AIG1: variants seen among roughly 807,000 people sequenced by gnomAD.
The protein encoded by AIG1 is androgen-induced gene 1 protein.
A neutral mutation model predicts 31.4 loss-of-function variants in AIG1; 23 were observed. The ratio of observed to expected loss-of-function variants is 0.73; its 90% CI spans 0.53 to 1.04. AIG1 has a LOEUF of 1.04. AIG1 is among the 50% of genes least tolerant of loss of function. The pLI is 0.00. For synonymous variants in AIG1, 100 were observed against 110.5 expected (o/e 0.90, Z 0.60); for missense variants, 274 against 295.0 (o/e 0.93, Z 0.52).
At chr6:143,094,980 T>C (rs994469773) in intron 1 of AIG1, among the ~76,000 whole-genome samples, 3 of 151,768 alleles carry the variant, frequency 2.0e-5, no homozygotes, top group Non-Finnish European at 4.4e-5. Context: ...ACAGGATGAG[T>C]TGAAAAGGGG....
chr6:143,288,296 C>T lies in AIG1; in HGVS notation c.515+4071C>T, dbSNP rs1267301934. 1.5e-5 allele frequency among the ~76,000 whole-genome samples: 2 copies of T among 135,224 alleles called. No homozygotes were observed. Among genetic ancestry groups the T allele is most frequent in the Admixed American group, 1.4e-4 (2 of 14,128 alleles). The allele number at this position is 135,224 out of a possible 152,430, so 88.7% of individuals were successfully genotyped here. A position where few individuals can be genotyped will look rare whatever the true frequency, so the allele number is the denominator to read the frequency against. On this transcript the variant is annotated intron_variant, in intron 4 of 5. Transcript: ENST00000357847. The surrounding 1 kb of genome is among the most constrained non-coding windows in gnomAD (Gnocchi z 4.4). ...AAGAATGGTCTCTCTCCTAAGGAGT[C>T]TTCTTCCAGCCCCTGGCTATTCTCC...
chr6:143,084,695 A>G lies in AIG1; in HGVS notation c.141+23629A>G, dbSNP rs140953625. Among the ~76,000 whole-genome samples the G allele has an allele frequency of 2.5e-3, 388 of 152,252 alleles. 1 individual carries two copies. The highest frequency in any genetic ancestry group is 0.017 in the Middle Eastern group (5 of 294). ...GGTGACAGGGAGGTTTGCTTCCTCA[A>G]TGCCTTCCTTAGTCTCTCCAGAAAG... is the stretch of plus-strand genomic sequence containing the variant. On this transcript the variant is annotated intron_variant, in intron 1 of 5. Coordinates refer to ENST00000357847, the MANE Select transcript of AIG1 (RefSeq NM_016108.4).
Position 143,325,854 on chromosome 6 carries a change from C to G in AIG1, c.516-7428C>G, listed in dbSNP as rs549136092. Reference sequence around the variant, plus strand: ...GAGTTACTGACAAATGTTTAACAACCAGCTAGGTCTTCTGGAGGCAAGGGA... The same window carrying G: ...GAGTTACTGACAAATGTTTAACAACGAGCTAGGTCTTCTGGAGGCAAGGGA... On this transcript the variant is annotated intron_variant, in intron 4 of 5. Transcript: ENST00000357847. This position sits in a 1 kb window ranked among gnomAD's most constrained non-coding sequence, Gnocchi z 4.3. Among the ~76,000 whole-genome samples, 1 of 152,260 alleles carries G rather than the reference C, an allele frequency of 6.6e-6. No homozygotes were observed. The highest frequency in any genetic ancestry group is 1.9e-4 in the East Asian group (1 of 5,186).
At chr6:143,290,217 T>A (rs1167867885) in intron 4 of AIG1, among the ~76,000 whole-genome samples, 2 of 152,114 alleles carry the variant, frequency 1.3e-5, no homozygotes, top group East Asian at 3.9e-4. Context: ...AGAACAGGAG[T>A]AAAAGTTTAT....
chr6:143,233,741 G>T (rs1318278123), intron 3 of AIG1, among the ~76,000 whole-genome samples: 1 of 152,180 alleles, frequency 6.6e-6, no homozygotes, highest in African/African-American at 2.4e-5. Context: ...TCAGTGATTG[G>T]TAGAAAAGTA....
At chr6:143,308,393 T>C (rs1458525926) in intron 4 of AIG1, among the ~76,000 whole-genome samples, 2 of 152,230 alleles carry the variant, frequency 1.3e-5, no homozygotes, top group African/African-American at 2.4e-5. Flanking sequence ...AAGGATAACA[T>C]TGAGGAATGA....
At chr6:143,157,742 C>T (rs931385533) in intron 2 of AIG1, among the ~76,000 whole-genome samples, 1 of 151,996 alleles carries the variant, frequency 6.6e-6, no homozygotes, top group Non-Finnish European at 1.5e-5. Flanking sequence ...TATCTTCTAT[C>T]GAATCTCAGT....
At chr6:143,221,510 T>C (rs1053686453) in intron 3 of AIG1, among the ~76,000 whole-genome samples, 1 of 152,136 alleles carries the variant, frequency 6.6e-6, no homozygotes, top group African/African-American at 2.4e-5. Context: ...TTCTGTTCTG[T>C]TCCACACAAA....
chr6:143,106,054 A>G (rs917455926), intron 1 of AIG1, among the ~76,000 whole-genome samples: 2 of 152,188 alleles, frequency 1.3e-5, no homozygotes, highest in Non-Finnish European at 2.9e-5. Flanking sequence ...GTACTTTGGA[A>G]TGCAACCTTA....
At chr6:143,335,109 T>C in intron 5 of AIG1, 1 of 1,435,276 alleles carries the variant, frequency 7.0e-7, no homozygotes, top group Non-Finnish European at 9.2e-7. Flanking sequence ...AAGACAGATG[T>C]TTTGTGCCAA....
chr6:143,146,317 G>A (rs1240183637), intron 2 of AIG1, among the ~76,000 whole-genome samples: 2 of 152,098 alleles, frequency 1.3e-5, no homozygotes, highest in African/African-American at 4.8e-5. Context: ...TGATTTTCAT[G>A]AACACTAGAC....
chr6:143,128,916 T>C (rs1277400566), intron 1 of AIG1, among the ~76,000 whole-genome samples: 1 of 152,234 alleles, frequency 6.6e-6, no homozygotes, highest in Non-Finnish European at 1.5e-5. Context: ...TTAGAGATTA[T>C]CTTTTGAGGA....
At chr6:143,247,710 C>A (rs183344259) in intron 3 of AIG1, among the ~76,000 whole-genome samples, 1 of 152,324 alleles carries the variant, frequency 6.6e-6, no homozygotes, top group Admixed American at 6.5e-5. Context: ...GGTTAAGAAA[C>A]TTGCCTAAGA....
chr6:143,123,549 G>A (rs1254954179), intron 1 of AIG1, among the ~76,000 whole-genome samples: 1 of 151,810 alleles, frequency 6.6e-6, no homozygotes, highest in Non-Finnish European at 1.5e-5. Flanking sequence ...TACTTTTTCA[G>A]TCATTTATAT....
intron 3 of AIG1, among the ~76,000 whole-genome samples, chr6:143,201,176 G>T (rs1273417826): frequency 1.3e-5 from 2 of 151,966 alleles, no homozygotes; most frequent in Non-Finnish European, 2.9e-5. Context: ...TCCCAAAGTG[G>T]CTGAAGTTTG....
intron 3 of AIG1, among the ~76,000 whole-genome samples, chr6:143,165,955 G>T (rs1403190372): frequency 1.3e-5 from 2 of 152,122 alleles, no homozygotes; most frequent in Non-Finnish European, 2.9e-5. Flanking sequence ...CATGCATTTT[G>T]GTTACAGCAG....
chr6:143,209,958 A>C (rs773900254), intron 3 of AIG1, among the ~76,000 whole-genome samples: 2 of 152,200 alleles, frequency 1.3e-5, no homozygotes, highest in Admixed American at 1.3e-4. Context: ...CAGAGCGTCA[A>C]ATACACTAGT....
At chr6:143,119,869 C>T (rs1208065614) in intron 1 of AIG1, among the ~76,000 whole-genome samples, 1 of 152,172 alleles carries the variant, frequency 6.6e-6, no homozygotes, top group Non-Finnish European at 1.5e-5. Flanking sequence ...AGAAGTTGGA[C>T]TTTGTATATT....
chr6:143,323,498 G>A, intron 4 of AIG1, among the ~76,000 whole-genome samples: 1 of 152,094 alleles, frequency 6.6e-6, no homozygotes. Flanking sequence ...TATCAAAAAT[G>A]GACTTCTACA....
Sources: allele counts gnomAD v4.1 joint callset (sites outside exome capture counted in the v4.1 genomes callset), GRCh38; gene constraint gnomAD v4.1.1; non-coding constraint Gnocchi (gnomAD v3.1); transcripts MANE v1.5; gene names NCBI Gene and HGNC (gene_info 2026-07-23, HGNC 2026-07-21).